Variants in PUM1 observed in about 807,000 individuals in gnomAD.
The protein encoded by PUM1 is pumilio homolog 1.
In PUM1, 13 loss-of-function variants were observed where a neutral mutation model predicts 131.8. The ratio of observed to expected loss-of-function variants is 0.10; its 90% CI spans 0.06 to 0.16. The LOEUF is 0.16. Ranked by LOEUF, PUM1 falls within the 10% of genes least tolerant of loss-of-function variation. PUM1 has a pLI of 1.00. For missense variants in PUM1, 961 were observed against 1,512.4 expected (o/e 0.64, Z 6.05); for synonymous variants, 509 against 556.5 (o/e 0.91, Z 1.20).
chr1:31,063,765 C>G (rs575647540), intron 1 of PUM1, among the ~76,000 whole-genome samples: 1 of 152,140 alleles, frequency 6.6e-6, no homozygotes, highest in Non-Finnish European at 1.5e-5. Flanking sequence ...AAACAATTGG[C>G]TTTTGTAAAG....
chr1:31,012,518 C>T (rs7550264), intron 3 of PUM1, among the ~76,000 whole-genome samples: 5 of 136,112 alleles, frequency 3.7e-5, no homozygotes, highest in South Asian at 2.3e-4. Flanking sequence ...CACCCTGAAT[C>T]GTAAGTTTAT....
chr1:31,062,399 CAT>C (rs1431160420), intron 1 of PUM1, among the ~76,000 whole-genome samples: 1 of 152,102 alleles, frequency 6.6e-6, no homozygotes, highest in East Asian at 1.9e-4. Context: ...GAGGCAGGCG[CAT>C]CTCCAGGTCA....
At chr1:30,995,640 A>C (rs1641956154) in intron 5 of PUM1, among the ~76,000 whole-genome samples, 1 of 152,210 alleles carries the variant, frequency 6.6e-6, no homozygotes, top group African/African-American at 2.4e-5. Flanking sequence ...ATAGAAAAAA[A>C]AAATTATTAA....
chr1:30,956,982 C>T (rs1280839820), intron 14 of PUM1, among the ~76,000 whole-genome samples: 1 of 152,038 alleles, frequency 6.6e-6, no homozygotes, highest in Non-Finnish European at 1.5e-5. Context: ...GACTGAACAA[C>T]AGTTAATACG....
At chr1:30,959,155 C>T (rs1392426600) in intron 14 of PUM1, among the ~76,000 whole-genome samples, 1 of 152,102 alleles carries the variant, frequency 6.6e-6, no homozygotes, top group East Asian at 1.9e-4. Flanking sequence ...CAAATAAATG[C>T]CCAGGCTAAG....
rs751762139 is a variant in PUM1 at position 30,950,120 on chromosome 1, A to G, written c.2856+7T>C. 2 of 1,610,888 alleles carry G rather than the reference A, an allele frequency of 1.2e-6. No individual in the cohort carries two copies. Among genetic ancestry groups the G allele is most frequent in the Non-Finnish European group, 1.7e-6 (2 of 1,178,444 alleles). Reference sequence around the variant, plus strand: ...ACACCAAGAGAAAAGTTAAAGGGGAAACTTACAATTACCTGCTGGTCTGAA... The same window carrying G: ...ACACCAAGAGAAAAGTTAAAGGGGAGACTTACAATTACCTGCTGGTCTGAA... On this transcript the variant is annotated splice_region_variant and intron_variant, in intron 17 of 21. Coordinates refer to ENST00000426105, the MANE Select transcript of PUM1 (RefSeq NM_001020658.2).
intron 1 of PUM1, among the ~76,000 whole-genome samples, chr1:31,060,946 A>T (rs1379449668): frequency 2.0e-5 from 3 of 152,072 alleles, no homozygotes; most frequent in Admixed American, 1.3e-4. Flanking sequence ...TATTGATAGG[A>T]TATTTCTTAA....
At chr1:30,942,192 TATATATATATA>T (rs1185406716) in intron 18 of PUM1, 69 bp from the exon 19 acceptor site, 2 of 160,128 alleles carry the variant, frequency 1.2e-5, no homozygotes, top group Non-Finnish European at 9.2e-6. Flanking sequence ...CAGTATTGTT[TATATATATATA>T]TATATATATA....
chr1:31,044,873 G>C (rs1184418316), intron 2 of PUM1, among the ~76,000 whole-genome samples: 4 of 152,116 alleles, frequency 2.6e-5, no homozygotes, highest in Non-Finnish European at 5.9e-5. Context: ...GCAATGGCAC[G>C]ATCTCGGCTT....
chr1:30,980,289 G>A lies in PUM1; in HGVS notation c.1253-126C>T. The A allele has an allele frequency of 1.3e-5, 10 of 753,304 alleles. No individual in the cohort carries two copies. The South Asian group carries it at 1.3e-4, about 10-fold the overall frequency. The allele number at this position is 753,304 out of a possible 1,614,324, so 46.7% of individuals were successfully genotyped here. The stretch of plus-strand genomic sequence containing the variant: ...GAAAAAATGAAAAAAGAGAAGACGG[G>A]ACAGGTTGAGGGTAAAGAGAAATTT... On this transcript the variant is annotated intron_variant, in intron 8 of 21. Transcript: ENST00000426105.
chr1:31,044,583 CT>C (rs1379536596), intron 2 of PUM1, among the ~76,000 whole-genome samples: 2 of 151,994 alleles, frequency 1.3e-5, no homozygotes, highest in Admixed American at 6.6e-5. Flanking sequence ...GTGACGGCTG[CT>C]GGGTAAAGGA....
intron 14 of PUM1, among the ~76,000 whole-genome samples, chr1:30,962,754 T>A (rs1160047860): frequency 6.6e-6 from 1 of 152,172 alleles, no homozygotes; most frequent in East Asian, 1.9e-4. Context: ...GATAGCTACG[T>A]ATTCACTCAT....
rs1468710400 is a variant in PUM1, at chr1:30,936,594, A to G, written c.3435+49T>C. On this transcript the variant is annotated intron_variant, in intron 21 of 21. Transcript: ENST00000426105. The stretch of plus-strand genomic sequence containing the variant: ...ACCCTCCTTTGTGTTTCAGAAAGGA[A>G]GCCAAGGCCTTGCACACTTTCTCTG... The G allele has an allele frequency of 2.0e-6, 3 of 1,529,090 alleles. No individual in the cohort carries two copies. The African/African-American group carries it at 4.1e-5, about 21-fold the overall frequency. The allele number at this position is 1,529,090 out of a possible 1,614,324, so 94.7% of individuals were successfully genotyped here.
intron 11 of PUM1, 132 bp from the exon 12 acceptor site, chr1:30,967,442 A>C (rs1640668015): frequency 1.3e-6 from 1 of 761,018 alleles, no homozygotes; most frequent in Non-Finnish European, 2.1e-6. Context: ...TGGCTCCATC[A>C]CTTAAATAGT....
At chr1:30,954,428 A>C (rs1356800533) in intron 14 of PUM1, among the ~76,000 whole-genome samples, 2 of 152,168 alleles carry the variant, frequency 1.3e-5, no homozygotes, top group Non-Finnish European at 2.9e-5. Flanking sequence ...ACCCACTCTA[A>C]AAAATCAGGC....
At chr1:30,987,002 A>T (rs775774486) in intron 7 of PUM1, among the ~76,000 whole-genome samples, 40 of 152,192 alleles carry the variant, frequency 2.6e-4, no homozygotes, top group Admixed American at 5.9e-4. Context: ...AGAATATTGA[A>T]TCTTTGTTAA....
At position 30,995,150 on chromosome 1, in the gene PUM1, T is replaced by C. The variant is rs1441766905; in HGVS notation, c.791A>G (p.Asp264Gly). Residue 264 changes from aspartate (D) to glycine (G), a missense_variant, in exon 6 of 22, where the codon GAT becomes GGT. Coordinates refer to ENST00000426105, the MANE Select transcript of PUM1 (RefSeq NM_001020658.2). The part of the protein sequence containing the change: ...EKKNKGTFDG[D>G]KLGDLKEEGD... The stretch of plus-strand genomic sequence containing the variant: ...CTCCTCCTTCAAATCTCCTAGCTTA[T>C]CTCCATCAAACGTACCCTTGTTCTT... The C allele has an allele frequency of 3.7e-6, 6 of 1,614,086 alleles. No homozygotes were observed. The highest frequency in any genetic ancestry group is 5.1e-6 in the Non-Finnish European group (6 of 1,180,046).
At chr1:30,999,604 C>A (rs1642121686) in intron 5 of PUM1, among the ~76,000 whole-genome samples, 1 of 55,282 alleles carries the variant, frequency 1.8e-5, no homozygotes. Flanking sequence ...AAGACTCTGT[C>A]TCAAAAAAAA....
chr1:30,959,656 C>A (rs1640322685), intron 14 of PUM1, among the ~76,000 whole-genome samples: 1 of 152,030 alleles, frequency 6.6e-6, no homozygotes, highest in South Asian at 2.1e-4. Flanking sequence ...ACCTGTAATC[C>A]CAACACTTTG....
Sources: gnomAD v4.1 joint callset for allele counts (sites outside exome capture counted in the v4.1 genomes callset) on GRCh38, gnomAD v4.1.1 for gene constraint, MANE v1.5 for transcripts, NCBI Gene and HGNC (gene_info 2026-07-23, HGNC 2026-07-21) for gene names.